The following ATP8A2 variants were observed in gnomAD, a reference collection of about 807,000 sequenced individuals.
ATP8A2 encodes the protein ATPase phospholipid transporting 8A2, also known as phospholipid-transporting ATPase IB.
ATP8A2 carries 100 observed loss-of-function variants against 165.6 expected under a neutral mutation model. That is an observed-to-expected ratio of 0.60 (90% CI 0.51 to 0.71). The LOEUF (loss-of-function observed/expected upper bound fraction) is 0.71, where lower values mean the gene tolerates loss of function less well. ATP8A2 is among the 30% of genes least tolerant of loss of function. The pLI is 0.00. For synonymous variants in ATP8A2, 543 were observed against 548.8 expected (o/e 0.99, Z 0.15); for missense variants, 1,227 against 1,479.5 (o/e 0.83, Z 2.80).
chr13:25,776,927 C>T (rs2044756302), intron 27 of ATP8A2, among the ~76,000 whole-genome samples: 1 of 151,996 alleles, frequency 6.6e-6, no homozygotes, highest in African/African-American at 2.4e-5. Context: ...CAGATCGTCC[C>T]CTAGGGCCCC....
chr13:26,012,952 A>G (rs1268622200), intron 36 of ATP8A2, among the ~76,000 whole-genome samples: 1 of 152,054 alleles, frequency 6.6e-6, no homozygotes. Context: ...AGCAATATGA[A>G]CTGTTTTGTG....
intron 33 of ATP8A2, among the ~76,000 whole-genome samples, chr13:25,870,901 C>A (rs1453703416): frequency 3.3e-5 from 5 of 152,200 alleles, no homozygotes; most frequent in African/African-American, 1.2e-4. Flanking sequence ...AATCTTCTGT[C>A]CACGAGCCCA....
chr13:25,583,704 A>G (rs1231509218), intron 23 of ATP8A2, among the ~76,000 whole-genome samples: 1 of 152,212 alleles, frequency 6.6e-6, no homozygotes, highest in African/African-American at 2.4e-5. Context: ...CCCAGAAAAC[A>G]CAAATGGATT....
At chr13:25,495,994 A>G (rs1478333513) in intron 2 of ATP8A2, among the ~76,000 whole-genome samples, 4 of 152,116 alleles carry the variant, frequency 2.6e-5, no homozygotes, top group Non-Finnish European at 5.9e-5. Flanking sequence ...TCTCATCACC[A>G]GGGCTCATGC....
intron 30 of ATP8A2, among the ~76,000 whole-genome samples, chr13:25,852,890 G>A (rs1952045256): frequency 1.3e-5 from 2 of 150,402 alleles, no homozygotes. Flanking sequence ...GGCAACAAGA[G>A]AGAAACTCAG....
At chr13:25,492,636 G>T (rs566106702) in intron 2 of ATP8A2, among the ~76,000 whole-genome samples, 1 of 152,136 alleles carries the variant, frequency 6.6e-6, no homozygotes, top group African/African-American at 2.4e-5. Context: ...GTAGCACTGC[G>T]TCTTATAAGC....
At chr13:25,892,107 C>T (rs1481772895) in intron 33 of ATP8A2, among the ~76,000 whole-genome samples, 1 of 151,712 alleles carries the variant, frequency 6.6e-6, no homozygotes, top group Non-Finnish European at 1.5e-5. Context: ...TCCCGAGTAA[C>T]TGGGACTACA....
In ATP8A2 at chr13:26,022,542, A is replaced by C. The variant is rs1957096435; in HGVS notation, c.*2557A>C. The C allele has an allele frequency of 6.6e-6, 1 of 152,228 alleles. No homozygotes were observed. The highest frequency in any genetic ancestry group is 1.5e-5 in the Non-Finnish European group (1 of 68,042). 9.4% of individuals were successfully genotyped at this position (152,228 alleles called of 1,614,324 possible). A position where few individuals can be genotyped will look rare whatever the true frequency, so the allele number is the denominator to read the frequency against. On this transcript the variant is annotated 3_prime_UTR_variant, in exon 37 of 37. Transcript: ENST00000381655. ...CGCACACAGAAGAAAACATTAGAAG[A>C]GATGCCTTTCTATCCTCTCATGTGG...
rs537520838 is a variant in ATP8A2 at position 25,416,810 on chromosome 13, G to A, written c.76+44522G>A. Among the ~76,000 whole-genome samples the A allele has an allele frequency of 2.6e-5, 4 of 152,274 alleles. No individual in the cohort carries two copies. The East Asian group carries it at 5.8e-4, about 22-fold the overall frequency. Reference sequence around the variant, plus strand: ...TTATGATTAGCCTCTGAATGGTATCGTTCAGCTTTTTGACTTTCTTTTATT... The same window carrying A: ...TTATGATTAGCCTCTGAATGGTATCATTCAGCTTTTTGACTTTCTTTTATT... On this transcript the variant is annotated intron_variant, in intron 1 of 36. Coordinates refer to ENST00000381655, the MANE Select transcript of ATP8A2 (RefSeq NM_016529.6).
Position 25,896,235 on chromosome 13 carries a change from T to C in ATP8A2, c.3183+33827T>C, listed in dbSNP as rs540959054. Among the ~76,000 whole-genome samples, 20 of 152,378 alleles carry C rather than the reference T, an allele frequency of 1.3e-4. 1 individual carries two copies. The South Asian group carries it at 3.7e-3, about 28-fold the overall frequency. ...CCCAGAGATTCTGGTATGCTCTGTCTTTGTTCTCATTGGTTTCAAAGAACA... is the reference window on the plus strand; with the variant it reads ...CCCAGAGATTCTGGTATGCTCTGTCCTTGTTCTCATTGGTTTCAAAGAACA... On this transcript the variant is annotated intron_variant, in intron 33 of 36. Transcript: ENST00000381655.
rs545986658 is a variant in ATP8A2 at position 26,012,085 on chromosome 13, T to C, written c.3378-446T>C. On this transcript the variant is annotated intron_variant, in intron 35 of 36. Transcript: ENST00000381655. The stretch of plus-strand genomic sequence containing the variant: ...AGAAGAAAACTCGCCTTGATGTTCA[T>C]TGGGGTTCAAAATAATCAAGTTCTG... Among the ~76,000 whole-genome samples, 34 of 152,194 alleles carry C rather than the reference T, an allele frequency of 2.2e-4. 1 individual carries two copies. The highest frequency in any genetic ancestry group is 3.5e-4 in the Non-Finnish European group (24 of 68,002).
At chr13:25,739,837 C>A (rs1278258502) in intron 25 of ATP8A2, among the ~76,000 whole-genome samples, 1 of 152,092 alleles carries the variant, frequency 6.6e-6, no homozygotes, top group Non-Finnish European at 1.5e-5. Context: ...AAATGAGATA[C>A]AGCTTGGAAA....
chr13:25,548,226 C>T (rs1432086235), intron 10 of ATP8A2, among the ~76,000 whole-genome samples: 1 of 150,596 alleles, frequency 6.6e-6, no homozygotes, highest in Non-Finnish European at 1.5e-5. Flanking sequence ...ACTCTGTCTC[C>T]AAAAAACAAA....
At chr13:25,738,754 T>C (rs1183349046) in intron 25 of ATP8A2, among the ~76,000 whole-genome samples, 1 of 152,260 alleles carries the variant, frequency 6.6e-6, no homozygotes, top group South Asian at 2.1e-4. Context: ...GGCTGACAAC[T>C]CTTTGGATGT....
chr13:25,809,436 A>G lies in ATP8A2; in HGVS notation c.2680-18682A>G, dbSNP rs550068825. Among the ~76,000 whole-genome samples the G allele has an allele frequency of 4.6e-4, 70 of 152,206 alleles. 2 individuals carry two copies. In the South Asian group the frequency reaches 0.01, roughly 23 times the overall value. On this transcript the variant is annotated intron_variant, in intron 27 of 36. Coordinates refer to ENST00000381655, the MANE Select transcript of ATP8A2 (RefSeq NM_016529.6). ...CCAAAAGAGAGCTGTTGATTCTTTC[A>G]TCTCAACACTCGTTCTTCCTGCTTT...
chr13:25,860,311 A>C, intron 31 of ATP8A2, 55 bp downstream of exon 31: 1 of 1,107,950 alleles, frequency 9.0e-7, no homozygotes, highest in Non-Finnish European at 1.4e-6. Context: ...TGTGGCTTGC[A>C]CTTCTCTAAA....
At chr13:25,823,551 C>T (rs1269513957) in intron 27 of ATP8A2, among the ~76,000 whole-genome samples, 1 of 152,108 alleles carries the variant, frequency 6.6e-6, no homozygotes, top group Non-Finnish European at 1.5e-5. Context: ...CTTTATTTCC[C>T]TAAGGACTTG....
chr13:25,540,592 C>G (rs142659305), intron 8 of ATP8A2, among the ~76,000 whole-genome samples: 5 of 152,240 alleles, frequency 3.3e-5, no homozygotes, highest in Middle Eastern at 3.4e-3. Context: ...CTAGGTCATG[C>G]AGGGTGCCAG....
At chr13:25,477,576 T>C (rs1368586938) in intron 2 of ATP8A2, among the ~76,000 whole-genome samples, 1 of 152,226 alleles carries the variant, frequency 6.6e-6, no homozygotes, top group Non-Finnish European at 1.5e-5. Context: ...TGTAAGATGC[T>C]AACATTGTGG....
Sources: gnomAD v4.1 joint callset for allele counts (sites outside exome capture counted in the v4.1 genomes callset) on GRCh38, gnomAD v4.1.1 for gene constraint, MANE v1.5 for transcripts, NCBI Gene and HGNC (gene_info 2026-07-23, HGNC 2026-07-21) for gene names.